The following LTBP1 variants were observed in gnomAD, a reference collection of about 807,000 sequenced individuals.
The protein encoded by LTBP1 is latent-transforming growth factor beta-binding protein 1.
In LTBP1, 129 loss-of-function variants were observed where a neutral mutation model predicts 207.6. The observed-to-expected ratio is 0.62, with a 90% confidence interval of 0.54 to 0.72. The LOEUF (loss-of-function observed/expected upper bound fraction) is 0.72. Among genes scored for constraint, LTBP1 ranks in the 30% least tolerant of loss-of-function variants. LTBP1 has a pLI of 0.00. For missense variants in LTBP1, 2,281 were observed against 2,217.2 expected, an observed-to-expected ratio of 1.03 and a Z score of -0.58; for synonymous variants, 963 against 833.7, an observed-to-expected ratio of 1.16 and a Z score of -2.67.
At chr2:33,239,528 CA>C (rs1343783866) in intron 9 of LTBP1, among the ~76,000 whole-genome samples, 1 of 152,066 alleles carries the variant, frequency 6.6e-6, no homozygotes, top group East Asian at 1.9e-4. Context: ...ATGTATTTTT[CA>C]AACTAAATAT....
chr2:33,158,407 A>C (rs1184927719), intron 5 of LTBP1, among the ~76,000 whole-genome samples: 1 of 152,200 alleles, frequency 6.6e-6, no homozygotes, highest in Non-Finnish European at 1.5e-5. Flanking sequence ...AAGGCTACTT[A>C]CTGCCCACCG....
Position 33,364,275 on chromosome 2 carries a change from G to A in LTBP1, c.4459G>A (p.Gly1487Ser). 1 of 1,613,908 alleles carries A rather than the reference G, an allele frequency of 6.2e-7. No individual in the cohort carries two copies. The change falls in exon 30 of 34, where the codon GGC (glycine) becomes AGC (serine). Residue 1487 changes from glycine (G) to serine (S), a missense_variant. Transcript: ENST00000404816. Reference sequence around the variant, plus strand: ...TGATGGCCAGTGTGTTAATACAGAGGGCTCTTACAACTGCTTCTGTACTCA... The same window carrying A: ...TGATGGCCAGTGTGTTAATACAGAGAGCTCTTACAACTGCTTCTGTACTCA... ...CIDGQCVNTE[G>S]SYNCFCTHPM...
At chr2:33,310,653 G>A (rs921330003) in intron 23 of LTBP1, among the ~76,000 whole-genome samples, 6 of 152,058 alleles carry the variant, frequency 3.9e-5, no homozygotes, top group African/African-American at 1.4e-4. Flanking sequence ...ACCAATTATT[G>A]TTACATTTAT....
chr2:33,325,841 G>A (rs2094419448), intron 24 of LTBP1, among the ~76,000 whole-genome samples: 1 of 151,942 alleles, frequency 6.6e-6, no homozygotes, highest in East Asian at 1.9e-4. Context: ...TTACCTACAG[G>A]TGTAGAAAGG....
chr2:33,285,135 G>C (rs1208940762), intron 19 of LTBP1, among the ~76,000 whole-genome samples: 4 of 149,820 alleles, frequency 2.7e-5, no homozygotes, highest in Non-Finnish European at 5.9e-5. Context: ...TCCGCCTCCA[G>C]GGTTCAAGTG....
chr2:33,299,097 A>G (rs1056281501), intron 20 of LTBP1, among the ~76,000 whole-genome samples: 1 of 152,064 alleles, frequency 6.6e-6, no homozygotes, highest in Non-Finnish European at 1.5e-5. Flanking sequence ...AACATGGTGA[A>G]ACTCCCTCTC....
chr2:33,090,175 CTCTG>C (rs111836651), intron 3 of LTBP1, among the ~76,000 whole-genome samples: 12,141 of 152,224 alleles, frequency 0.08, 529 homozygotes, highest in Middle Eastern at 0.11. Context: ...GTTTCATTTG[CTCTG>C]TCTTTCAGAC....
At chr2:33,041,472 T>G (rs1437040162) in intron 3 of LTBP1, among the ~76,000 whole-genome samples, 1 of 152,070 alleles carries the variant, frequency 6.6e-6, no homozygotes, top group Non-Finnish European at 1.5e-5. Context: ...TCAGTAGAGA[T>G]AGGGTTTCAC....
At chr2:33,391,495 C>T (rs1038217539) in intron 32 of LTBP1, among the ~76,000 whole-genome samples, 2 of 152,118 alleles carry the variant, frequency 1.3e-5, no homozygotes, top group South Asian at 2.1e-4. Context: ...CCAGCTTGCC[C>T]CATTAATCAG....
rs956631889 is a variant in LTBP1 at position 33,247,118 on chromosome 2, G to T, written c.1999+3334G>T. On this transcript the variant is annotated intron_variant, in intron 10 of 33. Coordinates refer to ENST00000404816, the MANE Select transcript of LTBP1 (RefSeq NM_206943.4). ...CCCAGATAAAAGAATTCTGAGCCTG[G>T]GCTTTTGCCTTTTCGTAGTATTCTT... Among the ~76,000 whole-genome samples, 6 of 152,148 alleles carry T rather than the reference G, an allele frequency of 3.9e-5. No homozygotes were observed. In the South Asian group the frequency reaches 1.2e-3, roughly 32 times the overall value.
At chr2:33,033,074 A>G (rs1196700617) in intron 3 of LTBP1, among the ~76,000 whole-genome samples, 1 of 152,228 alleles carries the variant, frequency 6.6e-6, no homozygotes, top group Non-Finnish European at 1.5e-5. Flanking sequence ...ACCAAAAGAA[A>G]TGATTGGGAC....
Position 32,951,613 on chromosome 2 carries a change from A to G in LTBP1, c.565+2668A>G, listed in dbSNP as rs1025644789. ...CAGCCCTCACTAGCTGTGTGGCCTCAGGGAGTTCACTTGACCTGTCTGGCC... is the reference window on the plus strand; with the variant it reads ...CAGCCCTCACTAGCTGTGTGGCCTCGGGGAGTTCACTTGACCTGTCTGGCC... On this transcript the variant is annotated intron_variant, in intron 2 of 33. Coordinates refer to ENST00000404816, the MANE Select transcript of LTBP1 (RefSeq NM_206943.4). 9.8e-5 allele frequency among the ~76,000 whole-genome samples: 15 copies of G among 152,316 alleles called. No individual in the cohort carries two copies. In the East Asian group the frequency reaches 2.9e-3, roughly 29 times the overall value.
At chr2:33,112,146 TAAGAG>T (rs567064139) in intron 4 of LTBP1, among the ~76,000 whole-genome samples, 53 of 152,298 alleles carry the variant, frequency 3.5e-4, no homozygotes, top group African/African-American at 8.7e-4. Flanking sequence ...ATTATACTGA[TAAGAG>T]AAGAGAATTC....
chr2:33,384,530 A>G (rs1196805605), intron 31 of LTBP1, among the ~76,000 whole-genome samples: 1 of 152,244 alleles, frequency 6.6e-6, no homozygotes, highest in Non-Finnish European at 1.5e-5. Context: ...TCTCAGGGCA[A>G]GCCCTGCTAA....
chr2:33,246,719 G>A (rs1384317865), intron 10 of LTBP1, among the ~76,000 whole-genome samples: 1 of 152,144 alleles, frequency 6.6e-6, no homozygotes, highest in African/African-American at 2.4e-5. Context: ...TTCTCTTCTT[G>A]AATGCACTGA....
chr2:33,396,799 A>G (rs1323293552), intron 32 of LTBP1, among the ~76,000 whole-genome samples: 1 of 152,196 alleles, frequency 6.6e-6, no homozygotes, highest in Non-Finnish European at 1.5e-5. Context: ...CACTTGCCCT[A>G]CTGCAAACTC....
chr2:33,160,957 G>T (rs1383816860), intron 5 of LTBP1, among the ~76,000 whole-genome samples: 1 of 152,170 alleles, frequency 6.6e-6, no homozygotes, highest in Non-Finnish European at 1.5e-5. Context: ...TCTCAATGAA[G>T]ACTGGGTCTT....
At chr2:33,058,444 T>A (rs1453484784) in intron 3 of LTBP1, among the ~76,000 whole-genome samples, 1 of 152,256 alleles carries the variant, frequency 6.6e-6, no homozygotes, top group Non-Finnish European at 1.5e-5. Flanking sequence ...AAAACTCATC[T>A]AATAACGTCT....
chr2:33,046,541 T>C (rs548180448), intron 3 of LTBP1, among the ~76,000 whole-genome samples: 1 of 152,354 alleles, frequency 6.6e-6, no homozygotes, highest in African/African-American at 2.4e-5. Flanking sequence ...GATTTTTGCA[T>C]TGATGTTCAT....
Sources: gnomAD v4.1 joint callset for allele counts (sites outside exome capture counted in the v4.1 genomes callset) on GRCh38, gnomAD v4.1.1 for gene constraint, MANE v1.5 for transcripts, NCBI Gene and HGNC (gene_info 2026-07-23, HGNC 2026-07-21) for gene names.